Variants in GTF2IRD2B observed in about 807,000 individuals in gnomAD.
GTF2IRD2B encodes the protein GTF2I repeat domain containing 2B, also known as general transcription factor II-I repeat domain-containing protein 2B.
In GTF2IRD2B, 10 loss-of-function variants were observed where a neutral mutation model predicts 55.6. That is an observed-to-expected ratio of 0.18 (90% CI 0.11 to 0.31). The LOEUF (loss-of-function observed/expected upper bound fraction) is 0.31. GTF2IRD2B is among the 10% of genes least tolerant of loss of function. The pLI, the probability that GTF2IRD2B is intolerant of heterozygous loss-of-function variation, is 1.00. For synonymous variants in GTF2IRD2B, 107 were observed against 320.5 expected (o/e 0.33, Z 7.12); for missense variants, 206 against 802.7 (o/e 0.26, Z 8.98).
intron 3 of GTF2IRD2B, among the ~76,000 whole-genome samples, chr7:75,116,540 A>C (rs1363749548): frequency 1.0e-3 from 156 of 149,286 alleles, no homozygotes; most frequent in Non-Finnish European, 2.7e-4. Flanking sequence ...TTTCTTTCAA[A>C]TTTGGAGGCC....
chr7:75,143,901 AAG>A, intron 14 of GTF2IRD2B, 47 bp from the exon 15 acceptor site: 1 of 283,076 alleles, frequency 3.5e-6, no homozygotes, highest in South Asian at 3.3e-5. Context: ...AAGTGGGCAA[AAG>A]AGGAAATGTG....
At chr7:75,092,962 G>A (rs1272495327) in intron 1 of GTF2IRD2B, among the ~76,000 whole-genome samples, 197 bp downstream of exon 1, 1 of 152,092 alleles carries the variant, frequency 6.6e-6, no homozygotes, top group Non-Finnish European at 1.5e-5. Flanking sequence ...CCAGAGGTGT[G>A]AGGGTGGGGG....
intron 1 of GTF2IRD2B, among the ~76,000 whole-genome samples, chr7:75,101,808 C>T (rs1219660737): frequency 9.5e-5 from 13 of 137,530 alleles, no homozygotes; most frequent in East Asian, 2.4e-4. Context: ...GCAGGAGAAT[C>T]GCTTGAGCCC....
intron 1 of GTF2IRD2B, among the ~76,000 whole-genome samples, chr7:75,104,053 CAAAAAA>C (rs587607735): frequency 1.1e-5 from 1 of 87,760 alleles, no homozygotes; most frequent in African/African-American, 4.5e-5. Flanking sequence ...GACTCCGTCT[CAAAAAA>C]AAAAAAAAAA....
chr7:75,102,029 G>A (rs1554421950), intron 1 of GTF2IRD2B, among the ~76,000 whole-genome samples: 12 of 150,974 alleles, frequency 7.9e-5, no homozygotes, highest in Non-Finnish European at 8.9e-5. Flanking sequence ...GTGAGACGGA[G>A]TCTCACTCTG....
chr7:75,120,194 A>C (rs1465208761), intron 3 of GTF2IRD2B, among the ~76,000 whole-genome samples: 1 of 97,476 alleles, frequency 1.0e-5, no homozygotes, highest in Admixed American at 1.0e-4. Flanking sequence ...AAAAAAAAAA[A>C]ACAAAAACCT....
At chr7:75,147,116 A>C (rs1215547754) in intron 15 of GTF2IRD2B, among the ~76,000 whole-genome samples, 3 of 151,354 alleles carry the variant, frequency 2.0e-5, no homozygotes, top group Non-Finnish European at 4.4e-5. Flanking sequence ...CATAAAGGTC[A>C]ATCTTCAGGT....
chr7:75,114,145 T>C (rs1808064711), intron 3 of GTF2IRD2B, among the ~76,000 whole-genome samples: 1 of 150,388 alleles, frequency 6.6e-6, no homozygotes, highest in Non-Finnish European at 1.5e-5. Context: ...GAGTGATAGA[T>C]TGATTCAAAT....
rs1807275486 is a variant in GTF2IRD2B at position 75,092,595 on chromosome 7, G to GAA, written c.-175_-174insAA. The GAA allele has an allele frequency of 6.5e-6, 1 of 152,674 alleles. No homozygotes were observed. The highest frequency in any genetic ancestry group is 1.5e-5 in the Non-Finnish European group (1 of 68,214). 9.5% of individuals were successfully genotyped at this position (152,674 alleles called of 1,614,324 possible). On this transcript the variant is annotated 5_prime_UTR_variant, in exon 1 of 16. Coordinates refer to ENST00000472837, the MANE Select transcript of GTF2IRD2B (RefSeq NM_001003795.3). Reference sequence around the variant, plus strand: ...GGGAAAAGGGGGGGAAAGAAAGAAAGAGAAAAAGGAGGGCGAGTGGCGAGC... The same window carrying GAA: ...GGGAAAAGGGGGGGAAAGAAAGAAAGAAAGAAAAAGGAGGGCGAGTGGCGAGC...
At chr7:75,123,694 T>C (rs1808457797) in intron 6 of GTF2IRD2B, 178 bp downstream of exon 6, 1 of 732,190 alleles carries the variant, frequency 1.4e-6, no homozygotes, top group African/African-American at 1.7e-5. Flanking sequence ...GCTAACACGG[T>C]GAAGCCCAGT....
chr7:75,101,237 A>G (rs1157490125), intron 1 of GTF2IRD2B, among the ~76,000 whole-genome samples: 3 of 145,824 alleles, frequency 2.1e-5, no homozygotes, highest in Non-Finnish European at 4.5e-5. Context: ...TGTTTTATTG[A>G]GATACAATTC....
chr7:75,096,790 C>T (rs1807394202), intron 1 of GTF2IRD2B, among the ~76,000 whole-genome samples: 2 of 150,136 alleles, frequency 1.3e-5, no homozygotes, highest in South Asian at 4.2e-4. Context: ...AACATGTACT[C>T]TTGTGTTTGT....
chr7:75,134,842 C>T (rs1554453350), intron 9 of GTF2IRD2B, among the ~76,000 whole-genome samples, 159 bp from the exon 10 acceptor site: 2 of 148,708 alleles, frequency 1.3e-5, no homozygotes, highest in South Asian at 2.1e-4. Context: ...GCTGAGATTA[C>T]AGGCGTGAGT....
At chr7:75,147,481 T>C (rs1554454421) in intron 15 of GTF2IRD2B, among the ~76,000 whole-genome samples, 2 of 152,014 alleles carry the variant, frequency 1.3e-5, no homozygotes, top group Non-Finnish European at 2.9e-5. Flanking sequence ...TTTAGAAAAC[T>C]TGAAGATCTG....
chr7:75,113,995 T>TTATA (rs587760761), intron 3 of GTF2IRD2B, among the ~76,000 whole-genome samples: 6 of 147,132 alleles, frequency 4.1e-5, no homozygotes, highest in Admixed American at 2.8e-4. Context: ...GAGAGAGGAA[T>TTATA]TATATATATA....
At chr7:75,117,347 A>G (rs2115753441) in intron 3 of GTF2IRD2B, among the ~76,000 whole-genome samples, 1 of 152,314 alleles carries the variant, frequency 6.6e-6, no homozygotes, top group South Asian at 2.1e-4. Context: ...TAAAAATACA[A>G]AAATTTTAGT....
intron 12 of GTF2IRD2B, among the ~76,000 whole-genome samples, chr7:75,140,550 T>TTTGG (rs1808982185): frequency 2.6e-5 from 1 of 38,976 alleles, no homozygotes; most frequent in African/African-American, 9.5e-5. Flanking sequence ...TTTTTTTTTT[T>TTTGG]GAGACGGAGT....
At chr7:75,116,975 G>A (rs1808179806) in intron 3 of GTF2IRD2B, among the ~76,000 whole-genome samples, 1 of 150,812 alleles carries the variant, frequency 6.6e-6, no homozygotes, top group Non-Finnish European at 1.5e-5. Flanking sequence ...TTAGCTATCA[G>A]TCTTTCATTG....
intron 1 of GTF2IRD2B, among the ~76,000 whole-genome samples, chr7:75,101,909 A>G (rs1178705675): frequency 6.6e-6 from 1 of 150,510 alleles, no homozygotes; most frequent in Non-Finnish European, 1.5e-5. Context: ...AAAAAAAAAA[A>G]AAAAGAAAAT....
Sources: allele counts gnomAD v4.1 joint callset (sites outside exome capture counted in the v4.1 genomes callset), GRCh38; gene constraint gnomAD v4.1.1; transcripts MANE v1.5; gene names NCBI Gene and HGNC (gene_info 2026-07-23, HGNC 2026-07-21).